Variants in RAPGEF5 observed in about 807,000 individuals in gnomAD.
RAPGEF5 encodes the protein M-Ras-regulated GEF.
A neutral mutation model predicts 125.2 loss-of-function variants in RAPGEF5; 65 were observed. The ratio of observed to expected loss-of-function variants is 0.52; its 90% CI spans 0.43 to 0.64. The LOEUF (loss-of-function observed/expected upper bound fraction) is 0.64. Ranked by LOEUF, RAPGEF5 falls within the 30% of genes least tolerant of loss-of-function variation. RAPGEF5 has a pLI of 0.00. For missense variants in RAPGEF5, 958 were observed against 1,048.1 expected (o/e 0.91, Z 1.19); for synonymous variants, 391 against 385.9 (o/e 1.01, Z -0.16).
chr7:22,338,559 C>T (rs1784067196), intron 1 of RAPGEF5, among the ~76,000 whole-genome samples: 2 of 152,210 alleles, frequency 1.3e-5, no homozygotes, highest in Admixed American at 6.5e-5. Flanking sequence ...TTCTCAACGT[C>T]TAATGGCTGA....
chr7:22,291,294 A>T lies in RAPGEF5; in HGVS notation c.681-53T>A. On this transcript the variant is annotated intron_variant, in intron 5 of 25. Transcript: ENST00000665637. ...TTTTCAGTTTTAGTTGCTCAAATTTATCTACCAAGTTAGGAAGAATAAAGG... is the reference window on the plus strand; with the variant it reads ...TTTTCAGTTTTAGTTGCTCAAATTTTTCTACCAAGTTAGGAAGAATAAAGG... 5 of 1,499,198 alleles carry T rather than the reference A, an allele frequency of 3.3e-6. No individual in the cohort carries two copies. The South Asian group carries it at 6.6e-5, about 20-fold the overall frequency. 92.9% of individuals were successfully genotyped at this position (1,499,198 alleles called of 1,614,324 possible).
intron 9 of RAPGEF5, chr7:22,194,551 G>GA (rs35849568): frequency 0.011 from 8,548 of 801,492 alleles, no homozygotes; most frequent in Non-Finnish European, 0.012. Context: ...AAGGCGGCAA[G>GA]AAAAAAAAAA....
At chr7:22,135,982 A>G in intron 23 of RAPGEF5, 56 bp downstream of exon 23, 1 of 1,404,014 alleles carries the variant, frequency 7.1e-7, no homozygotes, top group Non-Finnish European at 9.9e-7. Context: ...CAATAGTTAC[A>G]GTAATAAATT....
intron 3 of RAPGEF5, 52 bp from the exon 4 acceptor site, chr7:22,310,142 C>CAA: frequency 7.2e-6 from 10 of 1,387,150 alleles, no homozygotes; most frequent in South Asian, 6.6e-5. Flanking sequence ...ATCCGTTTGC[C>CAA]AAAAAAACAA....
intron 6 of RAPGEF5, among the ~76,000 whole-genome samples, chr7:22,268,375 C>T (rs1317775752): frequency 6.6e-6 from 1 of 152,138 alleles, no homozygotes; most frequent in Non-Finnish European, 1.5e-5. Context: ...CTGAGGCAGA[C>T]AGAAGTGATG....
At chr7:22,273,211 A>ATTTTTTTTTT in intron 6 of RAPGEF5, among the ~76,000 whole-genome samples, 1 of 96,590 alleles carries the variant, frequency 1.0e-5, no homozygotes, top group Non-Finnish European at 1.9e-5. Flanking sequence ...ACTTAGGAGT[A>ATTTTTTTTTT]TTTTTTTTTT....
intron 1 of RAPGEF5, among the ~76,000 whole-genome samples, chr7:22,342,124 C>G (rs1450297102): frequency 6.6e-6 from 1 of 152,208 alleles, no homozygotes; most frequent in Non-Finnish European, 1.5e-5. Context: ...TTCTCAAACC[C>G]CAATTCTTGA....
At chr7:22,280,876 A>T (rs1033125031) in intron 6 of RAPGEF5, among the ~76,000 whole-genome samples, 1 of 152,196 alleles carries the variant, frequency 6.6e-6, no homozygotes, top group Non-Finnish European at 1.5e-5. Context: ...CAAACAATCT[A>T]GGTGAGGAAG....
At chr7:22,191,674 A>G (rs1785001864) in intron 11 of RAPGEF5, 3 of 470,962 alleles carry the variant, frequency 6.4e-6, no homozygotes, top group Admixed American at 2.3e-5. Context: ...GTCACTAGAC[A>G]GGATGCAAAC....
At chr7:22,212,753 A>G (rs115121013) in intron 9 of RAPGEF5, among the ~76,000 whole-genome samples, 11 of 152,326 alleles carry the variant, frequency 7.2e-5, no homozygotes, top group African/African-American at 2.6e-4. Context: ...CATGGTAGTA[A>G]CACTGTTACA....
At chr7:22,346,071 C>G (rs1343061865) in intron 1 of RAPGEF5, among the ~76,000 whole-genome samples, 2 of 152,124 alleles carry the variant, frequency 1.3e-5, no homozygotes, top group Non-Finnish European at 2.9e-5. Context: ...AAGATTCACC[C>G]CAAAGTGTCC....
In RAPGEF5 at chr7:22,121,535, CAGCA is replaced by C. The variant is rs1449525094; in HGVS notation, c.*867_*870del. 8 of 152,244 alleles carry C rather than the reference CAGCA, an allele frequency of 5.3e-5. No homozygotes were observed. In the East Asian group the frequency reaches 1.5e-3, roughly 29 times the overall value. The allele number at this position is 152,244 out of a possible 1,614,324, so 9.4% of individuals were successfully genotyped here. ...GCAGACTTTTGTGACTCTGTCACCT[CAGCA>C]AGCAGTTGGTGAGTGTTTGCAATGT... On this transcript the variant is annotated 3_prime_UTR_variant, in exon 26 of 26. Coordinates refer to ENST00000665637, the MANE Select transcript of RAPGEF5 (RefSeq NM_012294.5).
intron 1 of RAPGEF5, among the ~76,000 whole-genome samples, chr7:22,319,906 C>T (rs1376920821): frequency 1.3e-5 from 2 of 152,024 alleles, no homozygotes; most frequent in African/African-American, 4.8e-5. Context: ...AAGCCACTTG[C>T]CTTCCTGGCC....
chr7:22,261,991 A>C (rs1782167092), intron 7 of RAPGEF5, among the ~76,000 whole-genome samples: 1 of 152,238 alleles, frequency 6.6e-6, no homozygotes, highest in South Asian at 2.1e-4. Context: ...TGGACTCTAG[A>C]GCTAGGTAAA....
intron 7 of RAPGEF5, among the ~76,000 whole-genome samples, chr7:22,259,555 C>G (rs1782094044): frequency 6.6e-6 from 1 of 152,182 alleles, no homozygotes; most frequent in Non-Finnish European, 1.5e-5. Context: ...ATCTGCATAT[C>G]CAAAGCTTTA....
intron 3 of RAPGEF5, among the ~76,000 whole-genome samples, chr7:22,310,749 C>A (rs2128153087): frequency 6.6e-6 from 1 of 152,242 alleles, no homozygotes; most frequent in East Asian, 1.9e-4. Context: ...TTAATATAAT[C>A]ATTGTAACTA....
chr7:22,244,269 T>C (rs1786418062), intron 7 of RAPGEF5, among the ~76,000 whole-genome samples: 1 of 152,118 alleles, frequency 6.6e-6, no homozygotes, highest in Non-Finnish European at 1.5e-5. Context: ...CTTCCGTTGA[T>C]TCCATATCTC....
At chr7:22,273,242 A>T (rs4722121) in intron 6 of RAPGEF5, among the ~76,000 whole-genome samples, 22 of 132,328 alleles carry the variant, frequency 1.7e-4, no homozygotes, top group Non-Finnish European at 3.3e-4. Flanking sequence ...TTTTTGAGAC[A>T]GAGTCTGGCT....
chr7:22,356,644 C>T (rs1452693094), intron 1 of RAPGEF5, 186 bp downstream of exon 1: 5 of 223,210 alleles, frequency 2.2e-5, no homozygotes, highest in Non-Finnish European at 3.4e-5. Context: ...GCGGGGGAAG[C>T]CGTCGCTCAG....
Sources: gnomAD v4.1 joint callset for allele counts (sites outside exome capture counted in the v4.1 genomes callset) on GRCh38, gnomAD v4.1.1 for gene constraint, MANE v1.5 for transcripts, NCBI Gene and HGNC (gene_info 2026-07-23, HGNC 2026-07-21) for gene names.